Variants in GLT8D2 observed in about 807,000 individuals in gnomAD.
The protein encoded by GLT8D2 is glycosyltransferase 8 domain containing 2.
A neutral mutation model predicts 44.5 loss-of-function variants in GLT8D2; 45 were observed. The ratio of observed to expected loss-of-function variants is 1.01; its 90% confidence interval spans 0.80 to 1.30. The LOEUF is 1.30. Among genes scored for constraint, GLT8D2 ranks in the 50% most tolerant of loss-of-function variants. The pLI is 0.00. For missense variants in GLT8D2, 400 were observed against 430.4 expected (o/e 0.93, Z 0.62); for synonymous variants, 156 against 157.2 (o/e 0.99, Z 0.06).
intron 1 of GLT8D2, among the ~76,000 whole-genome samples, chr12:104,022,029 G>A (rs1350680717): frequency 1.0e-5 from 1 of 100,144 alleles, no homozygotes; most frequent in African/African-American, 4.4e-5. Context: ...AGAAAAAGAA[G>A]AAGAAGAAGA....
At chr12:104,010,022 A>AT (rs1875612603) in intron 4 of GLT8D2, among the ~76,000 whole-genome samples, 1 of 3,088 alleles carries the variant, frequency 3.2e-4, no homozygotes, top group South Asian at 0.018. Context: ...TTATAAACAA[A>AT]CCAAAAAAAA....
Position 104,046,812 on chromosome 12 carries a change from A to G in GLT8D2, c.-164+3083T>C, listed in dbSNP as rs74241077. ...GTTTACTCAAGATTCACCAAGATAC[A>G]TAGAACAGGTGTCTTACTCCATTTT... On this transcript the variant is annotated intron_variant, in intron 1 of 10. Transcript: ENST00000360814. Among the ~76,000 whole-genome samples, 481 of 152,224 alleles carry G rather than the reference A, an allele frequency of 3.2e-3. 3 individuals carry two copies. Among genetic ancestry groups the G allele is most frequent in the East Asian group, 0.026 (133 of 5,178 alleles).
Position 103,999,463 on chromosome 12 carries a change from T to G in GLT8D2, c.336A>C (p.Glu112Asp). 6.2e-7 allele frequency: 1 copy of G among 1,613,472 alleles called. No homozygotes were observed. The highest frequency in any genetic ancestry group is 8.5e-7 in the Non-Finnish European group (1 of 1,179,628). ...KLREINFKIVEFNPMVLKGKI... is the reference protein window; with the variant it reads ...KLREINFKIVDFNPMVLKGKI... ...TCCCTTTGAGGACCATCGGGTTGAATTCCACGATTTTAAAGTTTATTTCTC... is the reference window on the plus strand; with the variant it reads ...TCCCTTTGAGGACCATCGGGTTGAAGTCCACGATTTTAAAGTTTATTTCTC... Residue 112 changes from glutamate (E) to aspartate (D), a missense_variant, in exon 6 of 11, where the codon GAA (glutamate) becomes GAC (aspartate). Glu to Asp is a conservative substitution (Grantham distance 45). Coordinates refer to ENST00000360814, the MANE Select transcript of GLT8D2 (RefSeq NM_001384711.1).
At chr12:103,999,690 T>C (rs921500774) in intron 5 of GLT8D2, among the ~76,000 whole-genome samples, 176 bp from the exon 6 acceptor site, 2 of 152,216 alleles carry the variant, frequency 1.3e-5, no homozygotes, top group African/African-American at 2.4e-5. Context: ...GGTCTGACTT[T>C]AAATCTTTTT....
upstream of GLT8D2, among the ~76,000 whole-genome samples, chr12:104,055,185 G>T (rs1479315752): frequency 1.3e-5 from 2 of 152,180 alleles, no homozygotes; most frequent in African/African-American, 4.8e-5. Context: ...CTGCACAAAA[G>T]GGACGAGGGG....
At chr12:104,012,698 C>T (rs1411580334) in intron 4 of GLT8D2, 3 of 634,962 alleles carry the variant, frequency 4.7e-6, no homozygotes, top group Non-Finnish European at 5.6e-6. Context: ...ATTGTGTCCT[C>T]CAGAGTCCGT....
Position 104,023,186 on chromosome 12 carries a change from G to A in GLT8D2, c.-163-1695C>T, listed in dbSNP as rs151220899. On this transcript the variant is annotated intron_variant, in intron 1 of 10. Coordinates refer to ENST00000360814, the MANE Select transcript of GLT8D2 (RefSeq NM_001384711.1). ...CAGGATAAATAGCTAATGCACGTGG[G>A]GCTTAATACCTAGGTGATGGGTTGA... 1.7e-4 allele frequency among the ~76,000 whole-genome samples: 26 copies of A among 152,178 alleles called. No homozygotes were observed. The East Asian group carries it at 4.2e-3, about 25-fold the overall frequency.
At chr12:104,038,397 C>G in intron 1 of GLT8D2, among the ~76,000 whole-genome samples, 2 of 152,170 alleles carry the variant, frequency 1.3e-5, no homozygotes, top group Non-Finnish European at 2.9e-5. Flanking sequence ...TAGAAAACCC[C>G]ATCGTCTCAG....
At chr12:103,989,832 G>T (rs1323136963) in intron 10 of GLT8D2, among the ~76,000 whole-genome samples, 4 of 151,926 alleles carry the variant, frequency 2.6e-5, no homozygotes, top group African/African-American at 4.8e-5. Context: ...AGAGCATACT[G>T]CTACCTTGCC....
intron 1 of GLT8D2, among the ~76,000 whole-genome samples, chr12:104,024,274 G>A (rs1160350420): frequency 6.6e-6 from 1 of 151,992 alleles, no homozygotes; most frequent in African/African-American, 2.4e-5. Flanking sequence ...TGGGGAGTTA[G>A]AGAAAAAAAT....
chr12:104,061,327 A>C (rs950190657), intron 1 of GLT8D2, among the ~76,000 whole-genome samples: 4 of 152,224 alleles, frequency 2.6e-5, no homozygotes, highest in Non-Finnish European at 5.9e-5. Flanking sequence ...CAAATATCAT[A>C]GACTAGTTTT....
chr12:104,047,886 C>G (rs1462343036), intron 1 of GLT8D2, among the ~76,000 whole-genome samples: 1 of 152,200 alleles, frequency 6.6e-6, no homozygotes, highest in Non-Finnish European at 1.5e-5. Context: ...AACTATGACC[C>G]CTGGTCAAAT....
chr12:104,021,927 GAAGAAGAAGAAGAAGAAGAAGAA>G (rs1566202370), intron 1 of GLT8D2, among the ~76,000 whole-genome samples: 699 of 26,042 alleles, frequency 0.027, 27 homozygotes, highest in Non-Finnish European at 0.032. Context: ...AGAAGAAGAA[GAAGAAGAAGAAGAAGAAGAAGAA>G]GAAGAGGAAG....
At chr12:103,993,537 C>T (rs1873037854) in intron 9 of GLT8D2, 33 bp from the exon 10 acceptor site, 1 of 1,401,086 alleles carries the variant, frequency 7.1e-7, no homozygotes, top group Non-Finnish European at 9.7e-7. Flanking sequence ...AACATTTGGC[C>T]TGGAGCCCCC....
chr12:104,021,909 GAAGAAGAAGAAGAAGAAGAAGAA>G (rs1877744379), intron 1 of GLT8D2, among the ~76,000 whole-genome samples: 1 of 14,976 alleles, frequency 6.7e-5, no homozygotes, highest in Admixed American at 1.0e-3. Flanking sequence ...AGAAGAAGAA[GAAGAAGAAGAAGAAGAAGAAGAA>G]GAAGAAGAAG....
At chr12:104,026,152 A>C (rs530507333) in intron 1 of GLT8D2, among the ~76,000 whole-genome samples, 1 of 151,876 alleles carries the variant, frequency 6.6e-6, no homozygotes, top group African/African-American at 2.4e-5. Context: ...GGTGGGCCAC[A>C]CCTGTAATCT....
intron 1 of GLT8D2, among the ~76,000 whole-genome samples, chr12:104,022,381 G>A (rs1307706960): frequency 6.6e-6 from 1 of 152,160 alleles, no homozygotes; most frequent in East Asian, 1.9e-4. Flanking sequence ...TTTGCGATGA[G>A]ATATGCCTGT....
At chr12:104,054,081 C>G (rs915262918), upstream of GLT8D2, among the ~76,000 whole-genome samples, 7 of 151,922 alleles carry the variant, frequency 4.6e-5, no homozygotes, top group Non-Finnish European at 1.0e-4. Context: ...TTAACACATC[C>G]AACACCACCC....
chr12:104,014,559 T>C (rs934780360), intron 4 of GLT8D2, among the ~76,000 whole-genome samples: 2 of 152,074 alleles, frequency 1.3e-5, no homozygotes, highest in Non-Finnish European at 2.9e-5. Context: ...TGAGGCTGAC[T>C]TGCACTGATG....
Sources: gnomAD v4.1 joint callset for allele counts (sites outside exome capture counted in the v4.1 genomes callset) on GRCh38, gnomAD v4.1.1 for gene constraint, MANE v1.5 for transcripts, NCBI Gene and HGNC (gene_info 2026-07-23, HGNC 2026-07-21) for gene names.